The following EFNB2 variants were observed in gnomAD, a reference collection of about 807,000 sequenced individuals.
EFNB2 encodes ephrin-B2.
EFNB2 carries 5 observed loss-of-function variants against 32.1 expected under a neutral mutation model. That is an observed-to-expected ratio of 0.16 (90% CI 0.08 to 0.33). The LOEUF (loss-of-function observed/expected upper bound fraction) is 0.33. EFNB2 is among the 10% of genes least tolerant of loss of function. The pLI, the probability that EFNB2 is intolerant of heterozygous loss-of-function variation, is 1.00. For missense variants in EFNB2, 263 were observed against 422.6 expected (o/e 0.62, Z 3.31); for synonymous variants, 168 against 166.5 (o/e 1.01, Z -0.07).
At chr13:106,495,113 G>T in intron 3 of EFNB2, 119 bp from the exon 4 acceptor site, 1 of 749,540 alleles carries the variant, frequency 1.3e-6, no homozygotes, top group Non-Finnish European at 2.3e-6. Context: ...TTTATGCAAA[G>T]TACTGTGAAA....
rs1452958793 is a variant in EFNB2, at chr13:106,535,638, G to T, written c.-674C>A. ...GCAGCTCCTCGCTCCGGCCGGCGCC[G>T]CGGTCCCCGCCGAGGAGAGTCAGCG... On this transcript the variant is annotated 5_prime_UTR_variant, in exon 1 of 5. Coordinates refer to ENST00000646441, the MANE Select transcript of EFNB2 (RefSeq NM_004093.4). 1.3e-5 allele frequency: 2 copies of T among 150,604 alleles called. No homozygotes were observed. The highest frequency in any genetic ancestry group is 3.3e-3 in the Middle Eastern group (1 of 306). 9.3% of individuals were successfully genotyped at this position (150,604 alleles called of 1,614,324 possible).
intron 2 of EFNB2, among the ~76,000 whole-genome samples, chr13:106,510,543 C>T (rs375921640): frequency 2.0e-5 from 3 of 152,230 alleles, no homozygotes; most frequent in East Asian, 3.8e-4. Context: ...TAGGGACATG[C>T]GTTCACTGCC....
In EFNB2 at chr13:106,491,222, T is replaced by A. The variant is rs545952193; in HGVS notation, c.*1818A>T. On this transcript the variant is annotated 3_prime_UTR_variant, in exon 5 of 5. Coordinates refer to ENST00000646441, the MANE Select transcript of EFNB2 (RefSeq NM_004093.4). ...AAACGCCGGAACATCTTGTCATTGTTAAATATATGATGCAGTCACATCGGC... is the reference window on the plus strand; with the variant it reads ...AAACGCCGGAACATCTTGTCATTGTAAAATATATGATGCAGTCACATCGGC... 2.0e-5 allele frequency: 3 copies of A among 152,702 alleles called. No individual in the cohort carries two copies. In the South Asian group the frequency reaches 6.2e-4, roughly 32 times the overall value. 9.5% of individuals were successfully genotyped at this position (152,702 alleles called of 1,614,324 possible).
In EFNB2 at chr13:106,492,689, T is replaced by G. The variant is rs1429462899; in HGVS notation, c.*351A>C. 4.8e-6 allele frequency: 1 copy of G among 208,678 alleles called. No homozygotes were observed. Among genetic ancestry groups the G allele is most frequent in the Non-Finnish European group, 9.8e-6 (1 of 102,128 alleles). 12.9% of individuals were successfully genotyped at this position (208,678 alleles called of 1,614,324 possible). A position where few individuals can be genotyped will look rare whatever the true frequency, so the allele number is the denominator to read the frequency against. On this transcript the variant is annotated 3_prime_UTR_variant, in exon 5 of 5. Transcript: ENST00000646441. The surrounding 1 kb of genome is among the most constrained non-coding windows in gnomAD (Gnocchi z 5.1). ...TGGCATCCTGGGGCACCTGCCAGGA[T>G]GCTCACAGCCCTCTCGTCCACAAAC...
chr13:106,524,330 A>G (rs1879630926), intron 1 of EFNB2, among the ~76,000 whole-genome samples: 1 of 152,246 alleles, frequency 6.6e-6, no homozygotes, highest in African/African-American at 2.4e-5. Context: ...ACTCCATGCA[A>G]CAGCATAAGC....
At chr13:106,524,411 T>C (rs1645892321) in intron 1 of EFNB2, among the ~76,000 whole-genome samples, 1 of 152,220 alleles carries the variant, frequency 6.6e-6, no homozygotes, top group South Asian at 2.1e-4. Flanking sequence ...ATTAGTTCAA[T>C]ATGACTTTGG....
intron 3 of EFNB2, 40 bp downstream of exon 3, chr13:106,495,708 C>T (rs758655174): frequency 1.9e-6 from 3 of 1,590,270 alleles, no homozygotes; most frequent in South Asian, 2.2e-5. Flanking sequence ...GGGGCTACAC[C>T]AGGTCACAGT....
chr13:106,506,862 TGAGGCAGACAGG>T (rs1369961610), intron 2 of EFNB2: 1 of 152,234 alleles, frequency 6.6e-6, no homozygotes, highest in African/African-American at 2.4e-5. Context: ...ATGAAGAGAC[TGAGGCAGACAGG>T]GGTTAAGTTA....
intron 1 of EFNB2, chr13:106,520,527 G>A (rs1365544234): frequency 6.6e-6 from 1 of 152,180 alleles, no homozygotes; most frequent in Non-Finnish European, 1.5e-5. Context: ...CTGTGCACTT[G>A]GGAATACGAA....
chr13:106,504,230 G>C (rs1878875387), intron 2 of EFNB2, among the ~76,000 whole-genome samples: 1 of 152,180 alleles, frequency 6.6e-6, no homozygotes, highest in Non-Finnish European at 1.5e-5. Flanking sequence ...GTCACTAATT[G>C]CATGCAATGA....
chr13:106,535,023 G>C lies in EFNB2; in HGVS notation c.-59C>G, dbSNP rs1258789929. The stretch of plus-strand genomic sequence containing the variant: ...CCAAGAAGGGACTGACGGGACGCAG[G>C]CTGGGACCCCCAATCCTCCGGGGCA... On this transcript the variant is annotated 5_prime_UTR_variant, in exon 1 of 5. Coordinates refer to ENST00000646441, the MANE Select transcript of EFNB2 (RefSeq NM_004093.4). 38 of 1,599,452 alleles carry C rather than the reference G, an allele frequency of 2.4e-5. No individual in the cohort carries two copies. The Middle Eastern group carries it at 1.4e-3, about 59-fold the overall frequency.
intron 1 of EFNB2, among the ~76,000 whole-genome samples, chr13:106,522,352 C>T (rs1879551623): frequency 6.6e-6 from 1 of 152,182 alleles, no homozygotes; most frequent in South Asian, 2.1e-4. Flanking sequence ...CAGCAAGAGT[C>T]TATAAAGGAA....
intron 1 of EFNB2, among the ~76,000 whole-genome samples, chr13:106,532,706 T>A (rs1447237039): frequency 1.3e-5 from 2 of 151,656 alleles, no homozygotes; most frequent in Non-Finnish European, 2.9e-5. Context: ...AATGCTGCTG[T>A]GGAGGACAAG....
chr13:106,514,768 A>G (rs917059415), intron 1 of EFNB2, among the ~76,000 whole-genome samples: 5 of 152,158 alleles, frequency 3.3e-5, no homozygotes, highest in Admixed American at 1.3e-4. Context: ...ACAGCACTAT[A>G]TAAGGGTTAG....
At chr13:106,496,820 T>C (rs950133363) in intron 2 of EFNB2, among the ~76,000 whole-genome samples, 59 of 152,204 alleles carry the variant, frequency 3.9e-4, no homozygotes, top group African/African-American at 1.4e-3. Flanking sequence ...GGTACTTTAA[T>C]GAGAAACAGG....
chr13:106,524,801 A>G (rs1411690839), intron 1 of EFNB2, among the ~76,000 whole-genome samples: 1 of 152,228 alleles, frequency 6.6e-6, no homozygotes, highest in Non-Finnish European at 1.5e-5. Context: ...TAAAAGTGTT[A>G]TTAGAAAGCA....
chr13:106,492,094 G>C lies in EFNB2; in HGVS notation c.*946C>G, dbSNP rs1020077223. ...CCGTCTTTGTTCCCCGGAATGAAGA[G>C]GGGCTTTTCTTCCTGCACATCGCTA... On this transcript the variant is annotated 3_prime_UTR_variant, in exon 5 of 5. Transcript: ENST00000646441. The surrounding 1 kb of genome is among the most constrained non-coding windows in gnomAD (Gnocchi z 5.1). 3 of 152,676 alleles carry C rather than the reference G, an allele frequency of 2.0e-5. No homozygotes were observed. Among genetic ancestry groups the C allele is most frequent in the Non-Finnish European group, 2.9e-5 (2 of 68,086 alleles). 9.5% of individuals were successfully genotyped at this position (152,676 alleles called of 1,614,324 possible).
intron 2 of EFNB2, among the ~76,000 whole-genome samples, chr13:106,503,539 A>G (rs1566456902): frequency 6.6e-6 from 1 of 152,158 alleles, no homozygotes; most frequent in Non-Finnish European, 1.5e-5. Flanking sequence ...CCGTACAGGG[A>G]CTCGAGGTCC....
intron 1 of EFNB2, among the ~76,000 whole-genome samples, chr13:106,532,247 C>A (rs1879902798): frequency 6.6e-6 from 1 of 152,048 alleles, no homozygotes; most frequent in Non-Finnish European, 1.5e-5. Context: ...AAAGTAGTTA[C>A]GGAGACGCTG....
Sources: allele counts gnomAD v4.1 joint callset (sites outside exome capture counted in the v4.1 genomes callset), GRCh38; gene constraint gnomAD v4.1.1; non-coding constraint Gnocchi (gnomAD v3.1); transcripts MANE v1.5; gene names NCBI Gene and HGNC (gene_info 2026-07-23, HGNC 2026-07-21).